Variants in TRIM66 observed in about 807,000 individuals in gnomAD.
TRIM66 encodes tripartite motif-containing protein 66.
A neutral mutation model predicts 148.2 loss-of-function variants in TRIM66; 99 were observed. The observed-to-expected ratio is 0.67, with a 90% CI of 0.57 to 0.79. The LOEUF (loss-of-function observed/expected upper bound fraction) is 0.79, where lower values mean the gene tolerates loss of function less well. Ranked by LOEUF, TRIM66 falls within the 30% of genes least tolerant of loss-of-function variation. TRIM66 has a pLI of 0.00. For missense variants in TRIM66, 1,666 were observed against 1,697.9 expected, an observed-to-expected ratio of 0.98 and a Z score of 0.33; for synonymous variants, 616 against 635.9, an observed-to-expected ratio of 0.97 and a Z score of 0.47.
chr11:8,631,686 T>G (rs554821904), intron 15 of TRIM66, among the ~76,000 whole-genome samples: 1 of 152,348 alleles, frequency 6.6e-6, no homozygotes, highest in East Asian at 1.9e-4. Context: ...ATAGAAATCT[T>G]GACTCCCTGC....
Position 8,619,379 on chromosome 11 carries a change from A to G in TRIM66, c.3900+4T>C, listed in dbSNP as rs553388117. On this transcript the variant is annotated splice_donor_region_variant and intron_variant, in intron 23 of 24. Transcript: ENST00000646038. ...AGGAGAGAGGGAAAACAGGCAAGAC[A>G]TACATAATTGAACTTAGCACAGTTC... is the stretch of plus-strand genomic sequence containing the variant. The G allele has an allele frequency of 3.9e-5, 59 of 1,498,522 alleles. No homozygotes were observed. The East Asian group carries it at 1.4e-3, about 36-fold the overall frequency. The allele number at this position is 1,498,522 out of a possible 1,614,324, so 92.8% of individuals were successfully genotyped here.
Position 8,637,290 on chromosome 11 carries a change from C to CAGATAT in TRIM66, c.2310+1358_2310+1363dup, listed in dbSNP as rs1302874834. Among the ~76,000 whole-genome samples the CAGATAT allele has an allele frequency of 1.1e-4, 17 of 150,772 alleles. 1 individual carries two copies. In the South Asian group the frequency reaches 1.3e-3, roughly 11 times the overall value. On this transcript the variant is annotated intron_variant, in intron 15 of 24. Coordinates refer to ENST00000646038, the MANE Select transcript of TRIM66 (RefSeq NM_001388022.1). ...CCTAGTAGAATATGGGGCACATACT[C>CAGATAT]AGATATAGATATAGATATAATCATT...
chr11:8,660,388 C>T lies in TRIM66; in HGVS notation c.341-8485G>A, dbSNP rs548290291. On this transcript the variant is annotated intron_variant, in intron 6 of 24. Coordinates refer to ENST00000646038, the MANE Select transcript of TRIM66 (RefSeq NM_001388022.1). ...TTTCTGACTCTGCCTGGTTCCTCTA[C>T]AGCTATTCCTACTTGGTGTCACCTA... 2.6e-5 allele frequency among the ~76,000 whole-genome samples: 4 copies of T among 152,354 alleles called. 1 individual carries two copies. In the South Asian group the frequency reaches 8.3e-4, roughly 32 times the overall value.
At chr11:8,631,973 GGGAGTTGTGTCTA>G (rs998443345) in intron 15 of TRIM66, among the ~76,000 whole-genome samples, 11 of 152,144 alleles carry the variant, frequency 7.2e-5, no homozygotes, top group Admixed American at 7.2e-4. Context: ...CCACAGATTT[GGGAGTTGTGTCTA>G]GGAAACACAC....
chr11:8,617,239 G>A lies in TRIM66; in HGVS notation c.*705C>T, dbSNP rs1219970058. The A allele has an allele frequency of 6.6e-6, 1 of 152,422 alleles. No homozygotes were observed. Among genetic ancestry groups the A allele is most frequent in the East Asian group, 1.9e-4 (1 of 5,192 alleles). 9.4% of individuals were successfully genotyped at this position (152,422 alleles called of 1,614,324 possible). On this transcript the variant is annotated 3_prime_UTR_variant, in exon 25 of 25. Transcript: ENST00000646038. ...GAAATCTGAACCAGAAGATTTAAGT[G>A]GTCTCTCCACAGCCACCCAGCTCAG...
chr11:8,635,712 C>G (rs763308496), intron 15 of TRIM66, among the ~76,000 whole-genome samples: 1 of 152,196 alleles, frequency 6.6e-6, no homozygotes. Flanking sequence ...GCAGAAGCAG[C>G]TCAAAATGAG....
intron 6 of TRIM66, among the ~76,000 whole-genome samples, chr11:8,653,928 C>T (rs11042025): frequency 1.3e-5 from 2 of 151,602 alleles, no homozygotes; most frequent in African/African-American, 4.9e-5. Context: ...GAGAAGGATG[C>T]TCTCCACAGG....
intron 4 of TRIM66, 88 bp downstream of exon 4, chr11:8,674,718 T>C (rs2039098542): frequency 6.6e-6 from 1 of 152,186 alleles, no homozygotes; most frequent in South Asian, 2.1e-4. Flanking sequence ...TTCAAAAAAA[T>C]TAATTTAATG....
chr11:8,629,501 T>C (rs941144354), intron 15 of TRIM66, among the ~76,000 whole-genome samples: 2 of 152,192 alleles, frequency 1.3e-5, no homozygotes, highest in African/African-American at 4.8e-5. Context: ...CGTCACAAGA[T>C]ATGCACAAGA....
intron 6 of TRIM66, among the ~76,000 whole-genome samples, chr11:8,656,508 T>C (rs2133331226): frequency 6.6e-6 from 1 of 152,298 alleles, no homozygotes; most frequent in Middle Eastern, 3.4e-3. Context: ...CCAGAGGTGT[T>C]CCTGAGAACT....
intron 10 of TRIM66, 100 bp from the exon 11 acceptor site, chr11:8,646,661 G>T: frequency 1.1e-6 from 1 of 872,864 alleles, no homozygotes. Context: ...GCTGCCTACT[G>T]AGATCAGGGC....
intron 4 of TRIM66, among the ~76,000 whole-genome samples, chr11:8,674,047 C>T (rs971585824): frequency 1.3e-5 from 2 of 152,314 alleles, no homozygotes; most frequent in Middle Eastern, 3.4e-3. Context: ...ACAGCCATAG[C>T]AGCAGCATGA....
chr11:8,624,758 A>T lies in TRIM66; in HGVS notation c.2781T>A (p.Cys927Ter). The T allele has an allele frequency of 6.5e-7, 1 of 1,547,444 alleles. No individual in the cohort carries two copies. ...SSSGRTSGSL[C>*]PRDGADPSLE... is the part of the protein sequence containing the mutation. The stretch of plus-strand genomic sequence containing the variant: ...GGGAGGGATCAGCCCCATCTCTGGG[A>T]CACAGGCTCCCTGAAGTTCGGCCAG... The change falls in exon 16 of 25, where the codon TGT becomes TGA. Residue 927 changes from cysteine to a stop codon, truncating the protein, a stop_gained. Coordinates refer to ENST00000646038, the MANE Select transcript of TRIM66 (RefSeq NM_001388022.1). LOFTEE classifies it high-confidence loss of function.
At chr11:8,623,623 G>C (rs1482837486) in intron 17 of TRIM66, among the ~76,000 whole-genome samples, 1 of 152,068 alleles carries the variant, frequency 6.6e-6, no homozygotes, top group Admixed American at 6.5e-5. Flanking sequence ...ATCATACATT[G>C]AACGAAAAAA....
intron 15 of TRIM66, among the ~76,000 whole-genome samples, chr11:8,628,151 T>C (rs2035031998): frequency 6.6e-6 from 1 of 152,078 alleles, no homozygotes; most frequent in Non-Finnish European, 1.5e-5. Context: ...AATCTATTTT[T>C]TTTTCTTTAC....
intron 14 of TRIM66, 52 bp downstream of exon 14, chr11:8,640,175 G>T: frequency 6.6e-7 from 1 of 1,506,636 alleles, no homozygotes; most frequent in South Asian, 1.3e-5. Flanking sequence ...TGTGTTCCCT[G>T]AGTGATCCTA....
chr11:8,624,588 T>G, intron 16 of TRIM66, 37 bp from the exon 17 acceptor site: 1 of 1,506,794 alleles, frequency 6.6e-7, no homozygotes, highest in Non-Finnish European at 8.9e-7. Flanking sequence ...ATCAAAGAAC[T>G]CAGACATGGT....
intron 15 of TRIM66, 144 bp from the exon 16 acceptor site, chr11:8,625,372 C>A: frequency 9.4e-7 from 1 of 1,065,934 alleles, no homozygotes; most frequent in Non-Finnish European, 1.3e-6. Context: ...CTGCCAGGAA[C>A]TCAGGCAATG....
chr11:8,619,941 C>CA (rs1367831185), intron 22 of TRIM66, 109 bp downstream of exon 22: 20 of 1,063,292 alleles, frequency 1.9e-5, no homozygotes, highest in South Asian at 4.5e-5. Context: ...TTCAATAACT[C>CA]AGAATTTTGT....
Sources: allele counts gnomAD v4.1 joint callset (sites outside exome capture counted in the v4.1 genomes callset), GRCh38; gene constraint gnomAD v4.1.1; transcripts MANE v1.5; gene names NCBI Gene and HGNC (gene_info 2026-07-23, HGNC 2026-07-21).